The following PNLIPRP3 variants were observed in gnomAD, a reference collection of about 807,000 sequenced individuals.
PNLIPRP3 encodes pancreatic lipase-related protein 3.
PNLIPRP3 carries 58 observed loss-of-function variants against 52.8 expected under a neutral mutation model. The ratio of observed to expected loss-of-function variants is 1.10; its 90% CI spans 0.89 to 1.37. PNLIPRP3 has a LOEUF of 1.37. Ranked by LOEUF, PNLIPRP3 falls within the 40% of genes most tolerant of loss-of-function variation. The pLI, the probability that PNLIPRP3 is intolerant of heterozygous loss-of-function variation, is 0.00. For synonymous variants in PNLIPRP3, 192 were observed against 185.0 expected (o/e 1.04, Z -0.31); for missense variants, 593 against 561.6 (o/e 1.06, Z -0.57).
intron 2 of PNLIPRP3, chr10:116,439,329 A>T (rs988157703): frequency 4.9e-6 from 2 of 409,960 alleles, no homozygotes; most frequent in African/African-American, 4.0e-5. Context: ...GAGAGACTAC[A>T]ATATGATCAT....
chr10:116,457,893 G>C (rs1344735733), intron 5 of PNLIPRP3, among the ~76,000 whole-genome samples: 1 of 152,128 alleles, frequency 6.6e-6, no homozygotes, highest in Non-Finnish European at 1.5e-5. Flanking sequence ...GATTTTTAAA[G>C]GTTTTCTGAA....
At chr10:116,473,285 A>AT (rs1306484955) in intron 10 of PNLIPRP3, among the ~76,000 whole-genome samples, 1 of 152,238 alleles carries the variant, frequency 6.6e-6, no homozygotes, top group Non-Finnish European at 1.5e-5. Flanking sequence ...AACAAGTTTT[A>AT]TAAGTCCAGC....
At chr10:116,444,685 G>A (rs1309294026) in intron 4 of PNLIPRP3, among the ~76,000 whole-genome samples, 172 bp downstream of exon 4, 2 of 152,200 alleles carry the variant, frequency 1.3e-5, no homozygotes, top group Non-Finnish European at 2.9e-5. Flanking sequence ...TCGCAGTAAA[G>A]AGTCTGTGGT....
chr10:116,464,418 C>A (rs1846245590), intron 7 of PNLIPRP3, among the ~76,000 whole-genome samples: 1 of 152,214 alleles, frequency 6.6e-6, no homozygotes. Context: ...TCACTTGCAC[C>A]TGCTGGGCTC....
intron 5 of PNLIPRP3, among the ~76,000 whole-genome samples, chr10:116,457,994 G>C (rs1207222979): frequency 6.6e-6 from 1 of 151,988 alleles, no homozygotes; most frequent in Non-Finnish European, 1.5e-5. Context: ...AGTAATAGAA[G>C]AACTGAGACC....
intron 7 of PNLIPRP3, 151 bp from the exon 8 acceptor site, chr10:116,465,899 T>C (rs1000702385): frequency 2.0e-5 from 13 of 664,060 alleles, no homozygotes; most frequent in Non-Finnish European, 3.5e-5. Context: ...TATATGTAAC[T>C]TTGATAAATG....
At chr10:116,441,668 T>A (rs568061209) in intron 2 of PNLIPRP3, among the ~76,000 whole-genome samples, 2 of 152,174 alleles carry the variant, frequency 1.3e-5, no homozygotes, top group African/African-American at 4.8e-5. Flanking sequence ...AACACTATAA[T>A]CAGAACATCG....
intron 1 of PNLIPRP3, among the ~76,000 whole-genome samples, chr10:116,435,086 A>T (rs58274336): frequency 0.071 from 10,827 of 152,192 alleles, 1,341 homozygotes; most frequent in African/African-American, 0.25. Context: ...ATGGAAGTGC[A>T]GTAAAGGAAA....
chr10:116,471,649 G>T, intron 9 of PNLIPRP3, 119 bp from the exon 10 acceptor site: 1 of 790,224 alleles, frequency 1.3e-6, no homozygotes, highest in South Asian at 1.5e-5. Flanking sequence ...ATGAATATGT[G>T]CAGCACTGTT....
At chr10:116,459,295 A>AAC (rs1491300369) in intron 5 of PNLIPRP3, among the ~76,000 whole-genome samples, 2 of 151,858 alleles carry the variant, frequency 1.3e-5, no homozygotes, top group African/African-American at 4.8e-5. Flanking sequence ...AAAAAAAAAA[A>AAC]ACACATCCTA....
chr10:116,466,108 C>T lies in PNLIPRP3; in HGVS notation c.867C>T (p.Ser289=). The T allele has an allele frequency of 6.2e-7, 1 of 1,613,856 alleles. No homozygotes were observed. The highest frequency in any genetic ancestry group is 8.5e-7 in the Non-Finnish European group (1 of 1,179,926). The change falls in exon 8 of 12, where the codon AGC becomes AGT. Residue 289 remains serine (S), a synonymous_variant. Coordinates refer to ENST00000369230, the MANE Select transcript of PNLIPRP3 (RefSeq NM_001011709.3). ...GAAGTTATCAATTTTATGCTGAAAGCATTCTTAATCCTGATGCATTTATTG... is the reference window on the plus strand; with the variant it reads ...GAAGTTATCAATTTTATGCTGAAAGTATTCTTAATCCTGATGCATTTATTG... ...HARSYQFYAE[S]ILNPDAFIAY... is the part of the protein sequence containing the mutation.
intron 9 of PNLIPRP3, among the ~76,000 whole-genome samples, chr10:116,470,387 C>A (rs150945630): frequency 6.6e-6 from 1 of 151,694 alleles, no homozygotes; most frequent in African/African-American, 2.4e-5. Flanking sequence ...GAGGCCCCTG[C>A]AAAGGAGACT....
At chr10:116,446,939 A>G (rs538942657) in intron 4 of PNLIPRP3, among the ~76,000 whole-genome samples, 1 of 152,228 alleles carries the variant, frequency 6.6e-6, no homozygotes, top group East Asian at 1.9e-4. Flanking sequence ...GCTTAGGGTA[A>G]TCACTTCAAT....
At chr10:116,476,951 GA>G in intron 11 of PNLIPRP3, 132 bp downstream of exon 11, 1 of 1,193,278 alleles carries the variant, frequency 8.4e-7, no homozygotes, top group Non-Finnish European at 1.1e-6. Context: ...TAAAGAAAGG[GA>G]AAAGTTAAGA....
At chr10:116,443,515 G>A (rs572557592) in intron 3 of PNLIPRP3, among the ~76,000 whole-genome samples, 164 of 150,934 alleles carry the variant, frequency 1.1e-3, no homozygotes, top group Non-Finnish European at 1.7e-3. Context: ...AAGATTAATA[G>A]ACTGCTAACA....
intron 3 of PNLIPRP3, among the ~76,000 whole-genome samples, chr10:116,443,802 CATATATAT>C (rs1200044232): frequency 0.011 from 140 of 13,096 alleles, no homozygotes; most frequent in African/African-American, 0.013. Context: ...TGTGTGTGTG[CATATATAT>C]ATATATATAT....
At chr10:116,431,630 G>T (rs934378829) in intron 1 of PNLIPRP3, among the ~76,000 whole-genome samples, 8 of 152,050 alleles carry the variant, frequency 5.3e-5, no homozygotes, top group South Asian at 2.1e-4. Context: ...ACTATAAACA[G>T]CTTTAGGTCT....
At chr10:116,461,129 G>A in intron 6 of PNLIPRP3, 39 bp from the exon 7 acceptor site, 7 of 1,614,106 alleles carry the variant, frequency 4.3e-6, no homozygotes, top group Non-Finnish European at 5.9e-6. Context: ...GCATAGAGGA[G>A]ATTTTTAGAG....
chr10:116,449,150 G>A (rs1845999834), intron 4 of PNLIPRP3, among the ~76,000 whole-genome samples: 1 of 152,116 alleles, frequency 6.6e-6, no homozygotes, highest in South Asian at 2.1e-4. Flanking sequence ...CTGTGATAAT[G>A]ATCTTGCCAC....
Sources: allele counts gnomAD v4.1 joint callset (sites outside exome capture counted in the v4.1 genomes callset), GRCh38; gene constraint gnomAD v4.1.1; transcripts MANE v1.5; gene names NCBI Gene and HGNC (gene_info 2026-07-23, HGNC 2026-07-21).